Variants in TLE2 observed in about 807,000 individuals in gnomAD.
TLE2 encodes the protein TLE family member 2, transcriptional corepressor.
A neutral mutation model predicts 97.2 loss-of-function variants in TLE2; 74 were observed. The ratio of observed to expected loss-of-function variants is 0.76; its 90% CI spans 0.63 to 0.92. TLE2 has a LOEUF of 0.92. Among genes scored for constraint, TLE2 ranks in the 40% least tolerant of loss-of-function variants. The probability of loss-of-function intolerance (pLI) is 0.00; values close to 1 mark genes in which losing one functional copy is unlikely to be tolerated. For missense variants in TLE2, 1,038 were observed against 1,008.7 expected (o/e 1.03, Z -0.39); for synonymous variants, 499 against 432.1 (o/e 1.15, Z -1.92).
intron 18 of TLE2, among the ~76,000 whole-genome samples, 156 bp from the exon 19 acceptor site, chr19:3,000,879 G>A (rs1321327194): frequency 1.3e-5 from 2 of 148,650 alleles, no homozygotes; most frequent in Non-Finnish European, 3.0e-5. Context: ...AGGCTGGAGT[G>A]CAGTGGTACA....
chr19:3,002,598 G>C, intron 17 of TLE2, 95 bp from the exon 18 acceptor site: 1 of 1,442,224 alleles, frequency 6.9e-7, no homozygotes. Flanking sequence ...GAGTGCAGTG[G>C]CACAATCATG....
intron 17 of TLE2, among the ~76,000 whole-genome samples, chr19:3,005,062 T>C (rs553818754): frequency 1.3e-5 from 2 of 151,902 alleles, no homozygotes; most frequent in South Asian, 4.2e-4. Context: ...AGCTCCCCCA[T>C]GGTTAGTCCT....
At chr19:3,024,530 G>A (rs1359500482) in intron 5 of TLE2, among the ~76,000 whole-genome samples, 1 of 151,850 alleles carries the variant, frequency 6.6e-6, no homozygotes, top group Admixed American at 6.6e-5. Flanking sequence ...CCTCCTAGGA[G>A]TGGATCACCC....
chr19:3,046,915 C>T (rs968327513), upstream of TLE2, among the ~76,000 whole-genome samples: 2 of 120,776 alleles, frequency 1.7e-5, no homozygotes, highest in African/African-American at 6.0e-5. Flanking sequence ...TCCTCCCTCT[C>T]CTCCTCCCCC....
intron 19 of TLE2, among the ~76,000 whole-genome samples, chr19:3,000,337 A>T (rs1344618318): frequency 6.6e-6 from 1 of 151,922 alleles, no homozygotes; most frequent in Admixed American, 6.6e-5. Flanking sequence ...AGCCTCCCAA[A>T]GTGCTGGGAT....
At chr19:3,015,009 T>TA (rs1334578901) in intron 9 of TLE2, among the ~76,000 whole-genome samples, 2 of 97,734 alleles carry the variant, frequency 2.0e-5, no homozygotes, top group Non-Finnish European at 4.2e-5. Flanking sequence ...CCAAAGAAAA[T>TA]AAGACTCCAC....
At chr19:3,010,898 A>G (rs1308160260) in intron 12 of TLE2, 124 bp downstream of exon 12, 4 of 1,358,180 alleles carry the variant, frequency 2.9e-6, no homozygotes, top group Non-Finnish European at 3.0e-6. Context: ...TGAAGTCACA[A>G]AAAGGACCAA....
At chr19:3,002,000 G>A (rs572892962) in intron 18 of TLE2, among the ~76,000 whole-genome samples, 83 of 152,030 alleles carry the variant, frequency 5.5e-4, no homozygotes, top group African/African-American at 1.9e-3. Context: ...GTTTCACCAT[G>A]TTGGCCAGGC....
rs1285186340 is a variant in TLE2 at position 3,002,468 on chromosome 19, C to T, written c.1932G>A (p.Trp644Ter). 1 of 1,599,190 alleles carries T rather than the reference C, an allele frequency of 6.3e-7. No individual in the cohort carries two copies. Among genetic ancestry groups the T allele is most frequent in the Non-Finnish European group, 8.5e-7 (1 of 1,173,100 alleles). The part of the protein sequence containing the change: ...FSLGHCPNQD[W>*]LAVGMESSNV... ...TGCTACTCTCCATTCCGACCGCCAGCCAGTCCTGGTTAGGGCAGTGGCCCA... is the reference window on the plus strand; with the variant it reads ...TGCTACTCTCCATTCCGACCGCCAGTCAGTCCTGGTTAGGGCAGTGGCCCA... The change falls in exon 18 of 20, where the codon TGG becomes TGA. Residue 644 changes from tryptophan (W) to a stop codon, truncating the protein, a stop_gained. Coordinates refer to ENST00000262953, the MANE Select transcript of TLE2 (RefSeq NM_003260.5). LOFTEE classifies it high-confidence loss of function.
At chr19:3,028,663 C>T in intron 2 of TLE2, 43 bp downstream of exon 2, 1 of 1,604,210 alleles carries the variant, frequency 6.2e-7, no homozygotes, top group Non-Finnish European at 8.5e-7. Flanking sequence ...CCCGCCCCGG[C>T]GCCCAGGTGA....
At position 3,004,041 on chromosome 19, in the gene TLE2, C is replaced by T. The variant is rs192008450; in HGVS notation, c.1896+1396G>A. 2.0e-5 allele frequency among the ~76,000 whole-genome samples: 3 copies of T among 152,234 alleles called. No homozygotes were observed. In the East Asian group the frequency reaches 5.8e-4, roughly 29 times the overall value. On this transcript the variant is annotated intron_variant, in intron 17 of 19. Coordinates refer to ENST00000262953, the MANE Select transcript of TLE2 (RefSeq NM_003260.5). ...TTTTTAAAAGATTCAGGGTCCTCCACCTCATTTTAAGCACAAACAGGAATC... is the reference window on the plus strand; with the variant it reads ...TTTTTAAAAGATTCAGGGTCCTCCATCTCATTTTAAGCACAAACAGGAATC...
chr19:2,999,736 AAAAG>A lies in TLE2; in HGVS notation c.2124+907_2124+910del, dbSNP rs200315688. On this transcript the variant is annotated intron_variant, in intron 19 of 19. Coordinates refer to ENST00000262953, the MANE Select transcript of TLE2 (RefSeq NM_003260.5). The stretch of plus-strand genomic sequence containing the variant: ...AGTGAGACTCCATCTCAAAAAAAAA[AAAAG>A]AAAGAAAAACAGCTGGGCGCAGTGG... Among the ~76,000 whole-genome samples, 471 of 135,852 alleles carry A rather than the reference AAAAG, an allele frequency of 3.5e-3. 5 individuals carry two copies. The highest frequency in any genetic ancestry group is 0.012 in the African/African-American group (411 of 34,000). The allele number at this position is 135,852 out of a possible 152,430, so 89.1% of individuals were successfully genotyped here.
intron 18 of TLE2, 100 bp from the exon 19 acceptor site, chr19:3,000,823 CCTTT>C: frequency 1.5e-6 from 1 of 651,046 alleles, no homozygotes. Context: ...CTGGCCTCTC[CCTTT>C]TTTTTTTTTT....
chr19:3,025,332 G>C, intron 4 of TLE2: 1 of 1,275,314 alleles, frequency 7.8e-7, no homozygotes, highest in South Asian at 2.5e-5. Flanking sequence ...GGTCCTACGA[G>C]TCACAGATAC....
chr19:3,037,309 AAAC>A (rs1374044746), intron 1 of TLE2, among the ~76,000 whole-genome samples: 4 of 152,134 alleles, frequency 2.6e-5, no homozygotes, highest in Admixed American at 2.6e-4. Context: ...AAACAAAACA[AAAC>A]AAAAAGATGT....
chr19:3,019,926 T>C lies in TLE2; in HGVS notation c.295-153A>G. The stretch of plus-strand genomic sequence containing the variant: ...TCTTTTTCCCTCTCACTCTCTCCCT[T>C]TCCTTTTGGAATTTTGAAATAAGCA... On this transcript the variant is annotated intron_variant, in intron 5 of 19. Transcript: ENST00000262953. This position sits in a 1 kb window ranked among gnomAD's most constrained non-coding sequence, Gnocchi z 5.1. The C allele has an allele frequency of 2.8e-6, 3 of 1,057,298 alleles. No homozygotes were observed. The highest frequency in any genetic ancestry group is 4.0e-6 in the Non-Finnish European group (3 of 748,780). The allele number at this position is 1,057,298 out of a possible 1,614,324, so 65.5% of individuals were successfully genotyped here.
chr19:3,022,036 T>C (rs1448852996), intron 5 of TLE2, among the ~76,000 whole-genome samples: 1 of 151,544 alleles, frequency 6.6e-6, no homozygotes, highest in East Asian at 2.0e-4. Context: ...TGAGACTCCC[T>C]CTCTGTTACA....
intron 10 of TLE2, among the ~76,000 whole-genome samples, chr19:3,014,253 T>C (rs897768714): frequency 1.3e-5 from 2 of 152,150 alleles, no homozygotes; most frequent in African/African-American, 4.8e-5. Context: ...CTCTACTCCA[T>C]AAGCACCCAT....
chr19:3,011,284 T>C lies in TLE2; in HGVS notation c.874-124A>G, dbSNP rs554137266. 2,201 of 1,108,876 alleles carry C rather than the reference T, an allele frequency of 2.0e-3. 3 individuals carry two copies. Among genetic ancestry groups the C allele is most frequent in the Non-Finnish European group, 2.5e-3 (2,019 of 807,962 alleles). The allele number at this position is 1,108,876 out of a possible 1,614,324, so 68.7% of individuals were successfully genotyped here. On this transcript the variant is annotated intron_variant, in intron 11 of 19. Transcript: ENST00000262953. ...GTCTCACACCTGTAATCCCAGCACT[T>C]TGGGAGGCCCAGTCGGGCGGATCAC...
Sources: allele counts gnomAD v4.1 joint callset (sites outside exome capture counted in the v4.1 genomes callset), GRCh38; gene constraint gnomAD v4.1.1; non-coding constraint Gnocchi (gnomAD v3.1); transcripts MANE v1.5; gene names NCBI Gene and HGNC (gene_info 2026-07-23, HGNC 2026-07-21).